CAPN8: variants seen among roughly 807,000 people sequenced by gnomAD.
CAPN8 encodes calpain 8, also known as calpain-8.
In CAPN8, 87 loss-of-function variants were observed where a neutral mutation model predicts 80.9. The ratio of observed to expected loss-of-function variants is 1.07; its 90% CI spans 0.90 to 1.28. CAPN8 has a LOEUF of 1.28. Ranked by LOEUF, CAPN8 falls within the 50% of genes most tolerant of loss-of-function variation. The probability of loss-of-function intolerance (pLI) is 0.00; values close to 1 mark genes in which losing one functional copy is unlikely to be tolerated. For synonymous variants in CAPN8, 299 were observed against 273.8 expected, an observed-to-expected ratio of 1.09 and a Z score of -0.91; for missense variants, 757 against 702.0, an observed-to-expected ratio of 1.08 and a Z score of -0.89.
Position 223,627,177 on chromosome 1 carries a change from A to T in CAPN8, c.561-20T>A, listed in dbSNP as rs1214350202. 1.9e-6 allele frequency: 3 copies of T among 1,551,546 alleles called. No individual in the cohort carries two copies. Among genetic ancestry groups the T allele is most frequent in the Admixed American group, 2.0e-5 (1 of 50,952 alleles). On this transcript the variant is annotated intron_variant, in intron 4 of 20. Transcript: ENST00000366872. ...TTAAGCCTATTGGAAAAGAAAGAAC[A>T]CATGCTCCATTAGCACCCTCAGCAA...
intron 1 of CAPN8, among the ~76,000 whole-genome samples, chr1:223,656,768 C>T (rs1359673483): frequency 6.7e-6 from 1 of 149,592 alleles, no homozygotes. Context: ...ACTGCAAGCT[C>T]CGCCTCCCGG....
At chr1:223,555,928 T>C (rs1656896665) in intron 13 of CAPN8, among the ~76,000 whole-genome samples, 1 of 152,154 alleles carries the variant, frequency 6.6e-6, no homozygotes, top group African/African-American at 2.4e-5. Context: ...CAAGGCGTAG[T>C]TTTTGTTCTC....
intron 2 of CAPN8, among the ~76,000 whole-genome samples, chr1:223,645,754 G>A (rs2102729105): frequency 6.6e-6 from 1 of 152,326 alleles, no homozygotes; most frequent in African/African-American, 2.4e-5. Context: ...GCAGACCAAA[G>A]TAACAAGGTA....
chr1:223,628,681 G>A lies in CAPN8; in HGVS notation c.407C>T (p.Ala136Val), dbSNP rs71644745. The change falls in exon 3 of 21, where the codon GCG becomes GTG. Residue 136 changes from alanine (A) to valine (V), a missense_variant. Physicochemically the swap from Ala to Val is moderately conservative, Grantham distance 64 (BLOSUM62 0). Transcript: ENST00000366872. ...CAGTACCTGAAAGTGAAAGATTCCCGCATAGTTCTCCTGGAAGTCCTGGTC... is the reference window on the plus strand; with the variant it reads ...CAGTACCTGAAAGTGAAAGATTCCCACATAGTTCTCCTGGAAGTCCTGGTC... Reference protein sequence around the residue: ...PRDQDFQENYAGIFHFQFWQY... With the variant: ...PRDQDFQENYVGIFHFQFWQY... 0.055 allele frequency: 85,983 copies of A among 1,550,870 alleles called. 2,631 individuals are homozygous for A. The highest frequency in any genetic ancestry group is 0.095 in the African/African-American group (6,942 of 73,114).
chr1:223,541,732 C>T lies in CAPN8; in HGVS notation c.*104G>A. The T allele has an allele frequency of 2.0e-6, 3 of 1,525,248 alleles. No individual in the cohort carries two copies. The highest frequency in any genetic ancestry group is 2.0e-5 in the Admixed American group (1 of 50,950). The allele number at this position is 1,525,248 out of a possible 1,614,324, so 94.5% of individuals were successfully genotyped here. ...CCCAGGGCAAGAAAGGTATGAACAA[C>T]CAGTGAATGCCACTGGAGCATAAAT... On this transcript the variant is annotated 3_prime_UTR_variant, in exon 21 of 21. Coordinates refer to ENST00000366872, the MANE Select transcript of CAPN8 (RefSeq NM_001143962.2).
Position 223,665,688 on chromosome 1 carries a change from C to T in CAPN8, c.-42G>A. 6.7e-7 allele frequency: 1 copy of T among 1,483,418 alleles called. No individual in the cohort carries two copies. Among genetic ancestry groups the T allele is most frequent in the Non-Finnish European group, 9.2e-7 (1 of 1,087,718 alleles). 91.9% of individuals were successfully genotyped at this position (1,483,418 alleles called of 1,614,324 possible). A position where few individuals can be genotyped will look rare whatever the true frequency, so the allele number is the denominator to read the frequency against. ...GGGTGGACAGAAGGGCAGGGCTGCA[C>T]TGTACTCTCAGACACCTGCTCCACT... On this transcript the variant is annotated 5_prime_UTR_variant, in exon 1 of 21. The change creates a new upstream start codon in the 5' untranslated region. Transcript: ENST00000366872.
At chr1:223,610,348 C>T (rs73117501) in intron 11 of CAPN8, among the ~76,000 whole-genome samples, 1 of 152,274 alleles carries the variant, frequency 6.6e-6, no homozygotes, top group African/African-American at 2.4e-5. Flanking sequence ...CACATAGAGC[C>T]CTCAGGCAGT....
chr1:223,545,207 T>C (rs1032436985), intron 17 of CAPN8, 24 bp downstream of exon 17: 3 of 1,551,574 alleles, frequency 1.9e-6, no homozygotes, highest in South Asian at 1.2e-5. Context: ...GAGGAGAGGA[T>C]GCCCAGAAGG....
rs1282412215 is a variant in CAPN8, at chr1:223,622,870, T to C, written c.844A>G (p.Ile282Val). The change falls in exon 7 of 21, where the codon ATC becomes GTC. Residue 282 changes from isoleucine (I) to valine (V), a missense_variant. Physicochemically the swap from Ile to Val is conservative, Grantham distance 29. Transcript: ENST00000366872. ...TCACCCCATGGATTCCTGAGTCTGA[T>C]CAGCTTCTCTGGATGGCCCTGGAAA... Reference protein sequence around the residue: ...VNFQGHPEKLIRLRNPWGEVE... With the variant: ...VNFQGHPEKLVRLRNPWGEVE... The C allele has an allele frequency of 2.2e-5, 34 of 1,551,630 alleles. 1 individual carries two copies. The Admixed American group carries it at 6.7e-4, about 30-fold the overall frequency.
At position 223,627,978 on chromosome 1, in the gene CAPN8, C is replaced by T. The variant is rs139266280; in HGVS notation, c.560+31G>A. 8,382 of 1,507,178 alleles carry T rather than the reference C, an allele frequency of 5.6e-3. 38 individuals are homozygous for T. Among genetic ancestry groups the T allele is most frequent in the South Asian group, 9.5e-3 (743 of 78,262 alleles). The allele number at this position is 1,507,178 out of a possible 1,614,324, so 93.4% of individuals were successfully genotyped here. ...GTGAGAGCTTTCAGGGAGGCTCTGG[C>T]GTCTCCCAGCTCCTGGCTTCCCCCA... On this transcript the variant is annotated intron_variant, in intron 4 of 20. Transcript: ENST00000366872.
In CAPN8 at chr1:223,628,683, A is replaced by T; in HGVS notation, c.405T>A (p.Tyr135Ter). The T allele has an allele frequency of 6.4e-7, 1 of 1,551,624 alleles. No homozygotes were observed. Residue 135 changes from tyrosine to a stop codon, truncating the protein, a stop_gained, in exon 3 of 21, where the codon TAT becomes TAA. Transcript: ENST00000366872. LOFTEE classifies it high-confidence loss of function. ...GTACCTGAAAGTGAAAGATTCCCGCATAGTTCTCCTGGAAGTCCTGGTCCC... is the reference window on the plus strand; with the variant it reads ...GTACCTGAAAGTGAAAGATTCCCGCTTAGTTCTCCTGGAAGTCCTGGTCCC... Reference protein sequence around the residue: ...VPRDQDFQENYAGIFHFQFWQ... With the variant: ...VPRDQDFQEN
chr1:223,622,680 C>T, intron 7 of CAPN8, 135 bp downstream of exon 7: 1 of 714,400 alleles, frequency 1.4e-6, no homozygotes, highest in Non-Finnish European at 2.5e-6. Context: ...ATACTCTTTT[C>T]TGAACACACT....
At chr1:223,626,705 A>T (rs1657590320) in intron 5 of CAPN8, among the ~76,000 whole-genome samples, 2 of 152,180 alleles carry the variant, frequency 1.3e-5, no homozygotes, top group African/African-American at 4.8e-5. Context: ...GGGATCCTAG[A>T]CTATGTTCTT....
chr1:223,616,277 G>A, intron 9 of CAPN8, 132 bp from the exon 10 acceptor site: 3 of 1,026,508 alleles, frequency 2.9e-6, no homozygotes, highest in Non-Finnish European at 4.2e-6. Flanking sequence ...TAGTAAGCAG[G>A]CCTCAGAAAG....
rs144595853 is a variant in CAPN8, at chr1:223,544,815, G to T, written c.1869C>A (p.Gly623=). The T allele has an allele frequency of 8.6e-5, 133 of 1,551,678 alleles. No individual in the cohort carries two copies. In the African/African-American group the frequency reaches 1.5e-3, roughly 18 times the overall value. ...IYWETDYNHS[G]TIDAHEMRTA... ...TCCTCATCTCGTGGGCATCGATGGT[G>T]CCCGAGTGGTTATAATCAGTTTCCC... Residue 623 remains glycine, a synonymous_variant, in exon 18 of 21, where the codon GGC becomes GGA. Transcript: ENST00000366872.
chr1:223,621,325 C>A (rs1657385011), intron 7 of CAPN8, among the ~76,000 whole-genome samples: 1 of 151,346 alleles, frequency 6.6e-6, no homozygotes, highest in African/African-American at 2.4e-5. Flanking sequence ...CGGCACCCTC[C>A]TCCTCCAATA....
chr1:223,541,914 T>C, intron 20 of CAPN8, 55 bp from the exon 21 acceptor site: 1 of 1,551,212 alleles, frequency 6.4e-7, no homozygotes, highest in Non-Finnish European at 8.7e-7. Flanking sequence ...TGGTGTGCTT[T>C]CACCATTGAT....
chr1:223,654,336 C>A lies in CAPN8; in HGVS notation c.301G>T (p.Gly101Cys). The change falls in exon 2 of 21, where the codon GGT becomes TGT. Residue 101 changes from glycine to cysteine, a missense_variant. By Grantham distance (159) the Gly-to-Cys change is radical (BLOSUM62 -3). Transcript: ENST00000366872. ...GATRTDICQG[G>C]LGDCWLLAAI... is the part of the protein sequence containing the mutation. The stretch of plus-strand genomic sequence containing the variant: ...ACTCTCCCCAGTTACTCACCTAGAC[C>A]ACCCTGACAAATGTCTGTGCGCGTG... 6.4e-7 allele frequency: 1 copy of A among 1,551,670 alleles called. No individual in the cohort carries two copies. Among genetic ancestry groups the A allele is most frequent in the Non-Finnish European group, 8.7e-7 (1 of 1,146,982 alleles).
At chr1:223,542,680 C>T (rs987171737) in intron 20 of CAPN8, among the ~76,000 whole-genome samples, 1 of 152,160 alleles carries the variant, frequency 6.6e-6, no homozygotes. Flanking sequence ...TCTGCAAAAA[C>T]ATTATGTGAC....
Sources: allele counts gnomAD v4.1 joint callset (sites outside exome capture counted in the v4.1 genomes callset), GRCh38; gene constraint gnomAD v4.1.1; transcripts MANE v1.5; gene names NCBI Gene and HGNC (gene_info 2026-07-23, HGNC 2026-07-21).